The following NTNG1 variants were observed in gnomAD, a reference collection of about 807,000 sequenced individuals.
NTNG1 encodes the protein netrin G1, also known as netrin-G1.
A neutral mutation model predicts 54.0 loss-of-function variants in NTNG1; 16 were observed. The observed-to-expected ratio is 0.30, with a 90% CI of 0.20 to 0.45. The LOEUF (loss-of-function observed/expected upper bound fraction) is 0.45. Among genes scored for constraint, NTNG1 ranks in the 20% least tolerant of loss-of-function variants. The pLI is 1.00. For missense variants in NTNG1, 530 were observed against 678.7 expected (o/e 0.78, Z 2.43); for synonymous variants, 255 against 263.1 (o/e 0.97, Z 0.30).
At chr1:107,207,687 G>T (rs1345915742) in intron 2 of NTNG1, among the ~76,000 whole-genome samples, 2 of 152,138 alleles carry the variant, frequency 1.3e-5, no homozygotes, top group African/African-American at 4.8e-5. Flanking sequence ...AAGATGAGGT[G>T]ACATATGTAT....
chr1:107,306,609 G>A (rs1272177043), intron 2 of NTNG1, among the ~76,000 whole-genome samples: 2 of 152,108 alleles, frequency 1.3e-5, no homozygotes, highest in East Asian at 3.9e-4. Flanking sequence ...AAATTAGCTG[G>A]GCATGGTGGC....
chr1:107,182,917 C>T (rs1161183735), intron 2 of NTNG1, among the ~76,000 whole-genome samples: 2 of 152,134 alleles, frequency 1.3e-5, no homozygotes, highest in African/African-American at 2.4e-5. Context: ...TGTCATGGAT[C>T]AATCACAACA....
chr1:107,289,835 C>A (rs929428656), intron 2 of NTNG1, among the ~76,000 whole-genome samples: 1 of 151,918 alleles, frequency 6.6e-6, no homozygotes, highest in Non-Finnish European at 1.5e-5. Flanking sequence ...ATGTAATTTA[C>A]CTAAAGAATT....
At chr1:107,403,228 G>T (rs1673157131) in intron 4 of NTNG1, among the ~76,000 whole-genome samples, 1 of 152,120 alleles carries the variant, frequency 6.6e-6, no homozygotes, top group African/African-American at 2.4e-5. Context: ...AGAAGGAAGG[G>T]CTGATTGAGG....
chr1:107,352,227 A>G (rs748284819), intron 3 of NTNG1, among the ~76,000 whole-genome samples: 26 of 152,226 alleles, frequency 1.7e-4, no homozygotes, highest in Non-Finnish European at 3.4e-4. Context: ...CAGTGCTCCA[A>G]TGGGGACTCT....
chr1:107,432,884 A>C (rs1675358256), intron 6 of NTNG1, among the ~76,000 whole-genome samples: 2 of 152,044 alleles, frequency 1.3e-5, no homozygotes, highest in Admixed American at 1.3e-4. Context: ...CCTTTTTTCC[A>C]GTTCTGAAGT....
At chr1:107,183,209 T>A (rs1187725949) in intron 2 of NTNG1, among the ~76,000 whole-genome samples, 1 of 152,196 alleles carries the variant, frequency 6.6e-6, no homozygotes, top group African/African-American at 2.4e-5. Flanking sequence ...GTCTGGTTCC[T>A]GTGATTAATG....
chr1:107,287,402 G>A (rs962114136), intron 2 of NTNG1, among the ~76,000 whole-genome samples: 4 of 152,132 alleles, frequency 2.6e-5, no homozygotes, highest in African/African-American at 7.2e-5. Context: ...TTTTTGGAGC[G>A]TTAGCCTTCA....
intron 5 of NTNG1, among the ~76,000 whole-genome samples, chr1:107,412,702 G>A (rs1673908249): frequency 6.6e-6 from 1 of 152,150 alleles, no homozygotes; most frequent in African/African-American, 2.4e-5. Flanking sequence ...CAAGCATGGT[G>A]TCTGAGGACA....
At chr1:107,227,666 G>GCT (rs10642554) in intron 2 of NTNG1, among the ~76,000 whole-genome samples, 9,525 of 144,442 alleles carry the variant, frequency 0.066, 740 homozygotes, top group African/African-American at 0.18. Flanking sequence ...TGTCTCTCTC[G>GCT]CTCTCTCTCT....
intron 3 of NTNG1, among the ~76,000 whole-genome samples, chr1:107,384,679 A>C (rs1671854742): frequency 1.3e-5 from 2 of 152,222 alleles, no homozygotes. Flanking sequence ...CTTGTGAAAG[A>C]ATGAGCTCAA....
intron 6 of NTNG1, among the ~76,000 whole-genome samples, chr1:107,435,521 T>C (rs1217758432): frequency 6.6e-6 from 1 of 152,154 alleles, no homozygotes; most frequent in African/African-American, 2.4e-5. Flanking sequence ...TCCACATTTA[T>C]TTGAAGAATA....
chr1:107,245,901 CAT>C (rs542418168), intron 2 of NTNG1, among the ~76,000 whole-genome samples: 60 of 152,270 alleles, frequency 3.9e-4, no homozygotes, highest in African/African-American at 1.3e-3. Context: ...AAGCCAGAAA[CAT>C]ACTAGGTGGT....
chr1:107,220,754 T>G (rs959931102), intron 2 of NTNG1, among the ~76,000 whole-genome samples: 2 of 152,194 alleles, frequency 1.3e-5, no homozygotes, highest in African/African-American at 4.8e-5. Context: ...TCTTTATCAT[T>G]AAGACTCTAT....
chr1:107,320,670 T>C (rs1254540648), intron 2 of NTNG1, among the ~76,000 whole-genome samples: 6 of 151,260 alleles, frequency 4.0e-5, no homozygotes, highest in Non-Finnish European at 8.9e-5. Context: ...TCTTTTTTTT[T>C]TTTTTTTCCT....
At chr1:107,317,065 C>T (rs982603138) in intron 2 of NTNG1, among the ~76,000 whole-genome samples, 1 of 152,176 alleles carries the variant, frequency 6.6e-6, no homozygotes, top group Non-Finnish European at 1.5e-5. Context: ...AGTAAATGGA[C>T]TTCAAAGAGG....
chr1:107,290,263 A>T (rs1001791667), intron 2 of NTNG1, among the ~76,000 whole-genome samples: 1 of 152,170 alleles, frequency 6.6e-6, no homozygotes, highest in Non-Finnish European at 1.5e-5. Flanking sequence ...CAATTCATTG[A>T]GTGTTTTAAC....
chr1:107,239,457 C>A (rs1202481699), intron 2 of NTNG1, among the ~76,000 whole-genome samples: 1 of 152,094 alleles, frequency 6.6e-6, no homozygotes, highest in Non-Finnish European at 1.5e-5. Context: ...GGAATTAACA[C>A]CTGAGATTAA....
chr1:107,337,231 G>A (rs75016834), intron 3 of NTNG1, among the ~76,000 whole-genome samples: 13,273 of 151,972 alleles, frequency 0.087, 694 homozygotes, highest in East Asian at 0.16. Flanking sequence ...ATGGATCAGC[G>A]GAAAACCAAA....
Sources: allele counts gnomAD v4.1 joint callset (sites outside exome capture counted in the v4.1 genomes callset), GRCh38; gene constraint gnomAD v4.1.1; transcripts MANE v1.5; gene names NCBI Gene and HGNC (gene_info 2026-07-23, HGNC 2026-07-21).